Variants in OR51G2 observed in about 807,000 individuals in gnomAD.
The protein encoded by OR51G2 is olfactory receptor family 51 subfamily G member 2, also known as olfactory receptor 51G2.
OR51G2 carries 13 observed loss-of-function variants against 11.8 expected under a neutral mutation model. That is an observed-to-expected ratio of 1.10 (90% confidence interval 0.72 to 1.76). OR51G2 has a LOEUF of 1.76. Among genes scored for constraint, OR51G2 ranks in the 40% most tolerant of loss-of-function variants. The pLI is 0.00. For missense variants in OR51G2, 474 were observed against 394.4 expected (o/e 1.20, Z -1.71); for synonymous variants, 178 against 151.9 (o/e 1.17, Z -1.26).
chr11:4,915,351 G>A lies in OR51G2; in HGVS notation c.313C>T (p.Gln105Ter). 6.2e-7 allele frequency: 1 copy of A among 1,613,984 alleles called. No homozygotes were observed. The highest frequency in any genetic ancestry group is 8.5e-7 in the Non-Finnish European group (1 of 1,179,988). ...REISHDACFAQLFFIHCFSFL... is the reference protein window; with the variant it reads ...REISHDACFA ...GAGAAGCAGTGAATGAAAAAGAGCTGAGCAAAGCAGGCATCATGGCTAATT... is the reference window on the plus strand; with the variant it reads ...GAGAAGCAGTGAATGAAAAAGAGCTAAGCAAAGCAGGCATCATGGCTAATT... Residue 105 changes from glutamine to a stop codon, truncating the protein, a stop_gained, in exon 2 of 2, where the codon CAG (glutamine) becomes TAG (stop). Transcript: ENST00000641926. LOFTEE classifies it high-confidence loss of function.
rs747962729 is a variant in OR51G2, at chr11:4,914,843, G to T, written c.821C>A (p.Pro274His). ...ACCCATGACCACCTGGACCAGGTGG[G>T]GTGCCTGCTTTCCAAAGCGATGGAT... is the stretch of plus-strand genomic sequence containing the variant. ...SVIHRFGKQA[P>H]HLVQVVMGFM... Residue 274 changes from proline to histidine, a missense_variant, in exon 2 of 2, where the codon CCC (proline) becomes CAC (histidine). Physicochemically the swap from Pro to His is moderately conservative, Grantham distance 77. Transcript: ENST00000641926. 4 of 1,613,928 alleles carry T rather than the reference G, an allele frequency of 2.5e-6. No individual in the cohort carries two copies. The Admixed American group carries it at 5.0e-5, about 20-fold the overall frequency.
At chr11:4,917,802 T>G (rs1252287727) in intron 1 of OR51G2, among the ~76,000 whole-genome samples, 1 of 152,086 alleles carries the variant, frequency 6.6e-6, no homozygotes, top group Non-Finnish European at 1.5e-5. Context: ...TTGTTCAGTG[T>G]TTTCATTGCA....
Position 4,915,117 on chromosome 11 carries a change from A to G in OR51G2, c.547T>C (p.Tyr183His). 1.2e-6 allele frequency: 2 copies of G among 1,614,132 alleles called. No individual in the cohort carries two copies. Among genetic ancestry groups the G allele is most frequent in the Middle Eastern group, 1.7e-4 (1 of 6,060 alleles). The change falls in exon 2 of 2, where the codon TAT becomes CAT. Residue 183 changes from tyrosine to histidine, a missense_variant. By Grantham distance (83) the Tyr-to-His change is moderately conservative. Coordinates refer to ENST00000641926, the MANE Select transcript of OR51G2 (RefSeq NM_001005238.2). Reference protein sequence around the residue: ...YCGSPVLSHSYCLHQEVMKLA... With the variant: ...YCGSPVLSHSHCLHQEVMKLA... Reference sequence around the variant, plus strand: ...TTCATCACTTCTTGGTGGAGACAATAAGAATGTGAGAGAACTGGGGAGCCA... The same window carrying G: ...TTCATCACTTCTTGGTGGAGACAATGAGAATGTGAGAGAACTGGGGAGCCA...
chr11:4,915,338 A>G lies in OR51G2; in HGVS notation c.326T>C (p.Ile109Thr), dbSNP rs1215624566. Residue 109 changes from isoleucine (I) to threonine (T), a missense_variant, in exon 2 of 2, where the codon ATT becomes ACT. Physicochemically the swap from Ile to Thr is moderately conservative, Grantham distance 89. Coordinates refer to ENST00000641926, the MANE Select transcript of OR51G2 (RefSeq NM_001005238.2). ...HDACFAQLFFIHCFSFLESSV... is the reference protein window; with the variant it reads ...HDACFAQLFFTHCFSFLESSV... Reference sequence around the variant, plus strand: ...GGACTCGAGGAAGGAGAAGCAGTGAATGAAAAAGAGCTGAGCAAAGCAGGC... The same window carrying G: ...GGACTCGAGGAAGGAGAAGCAGTGAGTGAAAAAGAGCTGAGCAAAGCAGGC... The G allele has an allele frequency of 1.2e-6, 2 of 1,613,912 alleles. No individual in the cohort carries two copies. Among genetic ancestry groups the G allele is most frequent in the African/African-American group, 1.3e-5 (1 of 74,920 alleles).
At chr11:4,918,168 A>C (rs1472373383) in intron 1 of OR51G2, among the ~76,000 whole-genome samples, 3 of 152,098 alleles carry the variant, frequency 2.0e-5, no homozygotes, top group African/African-American at 7.2e-5. Context: ...TAATATCCCT[A>C]GAATCACGCA....
intron 1 of OR51G2, among the ~76,000 whole-genome samples, chr11:4,918,357 C>A (rs1221010611): frequency 3.9e-5 from 6 of 152,180 alleles, no homozygotes; most frequent in Admixed American, 3.9e-4. Context: ...TGGATCACAT[C>A]TTTTTTTCCT....
chr11:4,915,674 G>C lies in OR51G2; in HGVS notation c.-11C>G. ...GGATCCCAGGGTCATTGTGTGAGGA[G>C]ACAAGGGGGAAGGTGGGTGCCCTCC... On this transcript the variant is annotated 5_prime_UTR_variant, in exon 2 of 2. Coordinates refer to ENST00000641926, the MANE Select transcript of OR51G2 (RefSeq NM_001005238.2). The C allele has an allele frequency of 6.3e-7, 1 of 1,597,160 alleles. No homozygotes were observed. Among genetic ancestry groups the C allele is most frequent in the Non-Finnish European group, 8.6e-7 (1 of 1,169,062 alleles).
In OR51G2 at chr11:4,914,258, C is replaced by A; in HGVS notation, c.*461G>T. ...ATGGGCCTTCTCCACGTCGCCTGGGCTTCCTCTTAGAATAGGGGCTGGGTT... is the reference window on the plus strand; with the variant it reads ...ATGGGCCTTCTCCACGTCGCCTGGGATTCCTCTTAGAATAGGGGCTGGGTT... On this transcript the variant is annotated 3_prime_UTR_variant, in exon 2 of 2. Coordinates refer to ENST00000641926, the MANE Select transcript of OR51G2 (RefSeq NM_001005238.2). The A allele has an allele frequency of 6.3e-6, 1 of 158,374 alleles. No homozygotes were observed. Among genetic ancestry groups the A allele is most frequent in the South Asian group, 1.9e-4 (1 of 5,330 alleles). The allele number at this position is 158,374 out of a possible 1,614,324, so 9.8% of individuals were successfully genotyped here.
chr11:4,915,804 G>T (rs1424765452), intron 1 of OR51G2, 65 bp from the exon 2 acceptor site: 4 of 562,358 alleles, frequency 7.1e-6, no homozygotes, highest in Non-Finnish European at 9.3e-6. Flanking sequence ...TCTTTCTAGT[G>T]GTTATGTCTT....
chr11:4,915,040 G>C lies in OR51G2; in HGVS notation c.624C>G (p.Ile208Met), dbSNP rs371119617. ...GTGAGTCTATACCCACTGTAGAGAC[G>C]ATGACAAACATGCCGTAGATGCTGT... is the stretch of plus-strand genomic sequence containing the variant. ...KANSIYGMFV[I>M]VSTVGIDSLL... is the part of the protein sequence containing the mutation. The change falls in exon 2 of 2, where the codon ATC becomes ATG. Residue 208 changes from isoleucine to methionine, a missense_variant. Ile to Met is a conservative substitution (Grantham distance 10). Transcript: ENST00000641926. 3.7e-6 allele frequency: 6 copies of C among 1,613,964 alleles called. No individual in the cohort carries two copies. The highest frequency in any genetic ancestry group is 1.7e-5 in the Admixed American group (1 of 59,978).
chr11:4,916,498 GC>G (rs990996621), intron 1 of OR51G2, among the ~76,000 whole-genome samples: 9 of 150,978 alleles, frequency 6.0e-5, no homozygotes, highest in African/African-American at 2.2e-4. Context: ...ATCTTACTGT[GC>G]TTTCTTTGTT....
chr11:4,916,740 C>G (rs1390705774), intron 1 of OR51G2, among the ~76,000 whole-genome samples: 1 of 152,154 alleles, frequency 6.6e-6, no homozygotes, highest in Non-Finnish European at 1.5e-5. Context: ...TTTCTGACTG[C>G]TAGAGTAAGA....
Position 4,914,645 on chromosome 11 carries a change from G to T in OR51G2, c.*74C>A. 4 of 945,554 alleles carry T rather than the reference G, an allele frequency of 4.2e-6. No homozygotes were observed. The highest frequency in any genetic ancestry group is 6.4e-6 in the Non-Finnish European group (4 of 624,132). The allele number at this position is 945,554 out of a possible 1,614,324, so 58.6% of individuals were successfully genotyped here. The stretch of plus-strand genomic sequence containing the variant: ...TAAGTAAATGTCTCCTTTATTTTAT[G>T]CATGTTAGAAATTATAAAGGATAGG... On this transcript the variant is annotated 3_prime_UTR_variant, in exon 2 of 2. Coordinates refer to ENST00000641926, the MANE Select transcript of OR51G2 (RefSeq NM_001005238.2).
In OR51G2 at chr11:4,914,688, C is replaced by T. The variant is rs1236761248; in HGVS notation, c.*31G>A. On this transcript the variant is annotated 3_prime_UTR_variant, in exon 2 of 2. Transcript: ENST00000641926. Reference sequence around the variant, plus strand: ...AGGATAGGCAAACAAGGGCACGTTTCAGGAGACAGTGGCTCTAACACTAGA... The same window carrying T: ...AGGATAGGCAAACAAGGGCACGTTTTAGGAGACAGTGGCTCTAACACTAGA... 2.0e-6 allele frequency: 3 copies of T among 1,496,394 alleles called. No individual in the cohort carries two copies. The highest frequency in any genetic ancestry group is 2.8e-6 in the Non-Finnish European group (3 of 1,083,050). 92.7% of individuals were successfully genotyped at this position (1,496,394 alleles called of 1,614,324 possible).
At position 4,915,491 on chromosome 11, in the gene OR51G2, C is replaced by T. The variant is rs60718970; in HGVS notation, c.173G>A (p.Arg58His). ...GAGATACATAGGTTCATGAAGTGAG[C>T]GCTCTGTTTTAATGATAAAAAGAAT... ...CTILFIIKTE[R>H]SLHEPMYLFL... The change falls in exon 2 of 2, where the codon CGC (arginine) becomes CAC (histidine). Residue 58 changes from arginine (R) to histidine (H), a missense_variant. Coordinates refer to ENST00000641926, the MANE Select transcript of OR51G2 (RefSeq NM_001005238.2). The T allele has an allele frequency of 2.2e-3, 3,502 of 1,613,992 alleles. 65 individuals are homozygous for T. The African/African-American group carries it at 0.041, about 19-fold the overall frequency.
chr11:4,919,248 C>G lies in OR51G2; in HGVS notation c.-148G>C, dbSNP rs189030971. 6.6e-6 allele frequency: 1 copy of G among 152,300 alleles called. No homozygotes were observed. Among genetic ancestry groups the G allele is most frequent in the African/African-American group, 2.4e-5 (1 of 41,456 alleles). 9.4% of individuals were successfully genotyped at this position (152,300 alleles called of 1,614,324 possible). ...TTCTACCATTTCTCTCTCCAAAGCTCGGGCTCAGCCTTCTGGGATCTTTTC... is the reference window on the plus strand; with the variant it reads ...TTCTACCATTTCTCTCTCCAAAGCTGGGGCTCAGCCTTCTGGGATCTTTTC... On this transcript the variant is annotated 5_prime_UTR_variant, in exon 1 of 2. Transcript: ENST00000641926.
rs771596766 is a variant in OR51G2 at position 4,915,584 on chromosome 11, C to A, written c.80G>T (p.Arg27Leu). The A allele has an allele frequency of 6.2e-7, 1 of 1,613,958 alleles. No homozygotes were observed. Among genetic ancestry groups the A allele is most frequent in the Non-Finnish European group, 8.5e-7 (1 of 1,179,950 alleles). The stretch of plus-strand genomic sequence containing the variant: ...TGGGATGGAGATCCAGATGTGCATG[C>A]GCTCCAGCCCAGGGATGCCACTCAG... Reference protein sequence around the residue: ...FLLSGIPGLERMHIWISIPLC... With the variant: ...FLLSGIPGLELMHIWISIPLC... The change falls in exon 2 of 2, where the codon CGC becomes CTC. Residue 27 changes from arginine (R) to leucine (L), a missense_variant. By Grantham distance (102) the Arg-to-Leu change is moderately radical. Transcript: ENST00000641926.
rs940211477 is a variant in OR51G2, at chr11:4,915,931, T to C, written c.-76-192A>G. ...GCCAAACTGGGTGAGTTGGAGATTC[T>C]AAATGAGCCGCTCCACCCTTTTTGC... On this transcript the variant is annotated intron_variant, in intron 1 of 1. Transcript: ENST00000641926. 1.8e-4 allele frequency among the ~76,000 whole-genome samples: 28 copies of C among 152,254 alleles called. 1 individual carries two copies. Among genetic ancestry groups the C allele is most frequent in the Admixed American group, 1.6e-3 (25 of 15,290 alleles).
In OR51G2 at chr11:4,914,972, A is replaced by G. The variant is rs759693125; in HGVS notation, c.692T>C (p.Leu231Pro). The G allele has an allele frequency of 2.5e-6, 4 of 1,614,168 alleles. No individual in the cohort carries two copies. In the East Asian group the frequency reaches 8.9e-5, roughly 36 times the overall value. ...TCTCTCAGCCCTGGAGGCGATGGAC[A>G]GCACGGTGCGCAGGATCAGAGCATA... ...FSYALILRTV[L>P]SIASRAERFK... The change falls in exon 2 of 2, where the codon CTG becomes CCG. Residue 231 changes from leucine to proline, a missense_variant. Leu to Pro is a moderately conservative substitution (Grantham distance 98). Transcript: ENST00000641926.
Sources: allele counts gnomAD v4.1 joint callset (sites outside exome capture counted in the v4.1 genomes callset), GRCh38; gene constraint gnomAD v4.1.1; transcripts MANE v1.5; gene names NCBI Gene and HGNC (gene_info 2026-07-23, HGNC 2026-07-21).